The following ZMYND11 variants were observed in gnomAD, a reference collection of about 807,000 sequenced individuals.
ZMYND11 encodes zinc finger MYND-type containing 11, also known as zinc finger MYND domain-containing protein 11.
Under a neutral mutation model 84.9 loss-of-function variants are expected in ZMYND11, and 9 were observed. The ratio of observed to expected loss-of-function variants is 0.11; its 90% confidence interval spans 0.06 to 0.18. ZMYND11 has a LOEUF of 0.18. ZMYND11 is among the 10% of genes least tolerant of loss of function. The pLI is 1.00. For synonymous variants in ZMYND11, 250 were observed against 244.1 expected, an observed-to-expected ratio of 1.02 and a Z score of -0.23; for missense variants, 409 against 761.0, an observed-to-expected ratio of 0.54 and a Z score of 5.44.
intron 8 of ZMYND11, among the ~76,000 whole-genome samples, chr10:240,436 G>A (rs1950684718): frequency 1.3e-5 from 2 of 152,196 alleles, no homozygotes; most frequent in South Asian, 4.1e-4. Context: ...CGTGGAAGGT[G>A]GAGGTTGCAG....
chr10:242,244 G>GAA (rs34123561), intron 10 of ZMYND11, 105 bp downstream of exon 10: 344,612 of 1,314,642 alleles, frequency 0.26, 23,132 homozygotes, highest in East Asian at 0.43. Flanking sequence ...TTTTAAATTG[G>GAA]AAAAAAAAAA....
rs1304756636 is a variant in ZMYND11, at chr10:240,115, CTA to C, written c.753+6_753+7del. On this transcript the variant is annotated splice_donor_5th_base_variant and intron_variant, in intron 8 of 14. Coordinates refer to ENST00000381604, the MANE Select transcript of ZMYND11 (RefSeq NM_001370100.5). ...ATATAAAGACACATGTCATGAGGTA[CTA>C]TTCATTGCCCAATAGTTATACTCTT... is the stretch of plus-strand genomic sequence containing the variant. 6.2e-7 allele frequency: 1 copy of C among 1,603,776 alleles called. No homozygotes were observed. The highest frequency in any genetic ancestry group is 1.3e-5 in the African/African-American group (1 of 74,640).
intron 4 of ZMYND11, among the ~76,000 whole-genome samples, chr10:223,056 GTC>G (rs1352404030): frequency 6.8e-6 from 1 of 146,598 alleles, no homozygotes; most frequent in Non-Finnish European, 1.5e-5. Flanking sequence ...CTGAGACTGA[GTC>G]TCTCTCTGTC....
intron 6 of ZMYND11, 118 bp downstream of exon 6, chr10:237,795 T>A (rs1009651278): frequency 1.2e-5 from 8 of 648,268 alleles, no homozygotes; most frequent in Non-Finnish European, 2.0e-5. Context: ...GTGTACTTTT[T>A]TCCACTTCCT....
intron 1 of ZMYND11, among the ~76,000 whole-genome samples, chr10:154,419 C>CG (rs1841193335): frequency 6.6e-6 from 1 of 152,034 alleles, no homozygotes; most frequent in African/African-American, 2.4e-5. Flanking sequence ...CAGAAAAAAG[C>CG]AAAAAACCTG....
intron 1 of ZMYND11, among the ~76,000 whole-genome samples, chr10:147,050 T>C (rs1554755548): frequency 6.6e-6 from 1 of 152,240 alleles, no homozygotes; most frequent in African/African-American, 2.4e-5. Flanking sequence ...TACACTCAGC[T>C]TGGTCGTTGT....
chr10:236,384 G>A (rs567410386), intron 4 of ZMYND11, among the ~76,000 whole-genome samples: 4 of 152,332 alleles, frequency 2.6e-5, no homozygotes, highest in Non-Finnish European at 5.9e-5. Context: ...ATGCAGCTGC[G>A]CTGTGCAAAG....
At chr10:234,002 A>T (rs1374734116) in intron 4 of ZMYND11, among the ~76,000 whole-genome samples, 1 of 152,220 alleles carries the variant, frequency 6.6e-6, no homozygotes, top group African/African-American at 2.4e-5. Context: ...ATAGACCTTT[A>T]TTTAAACTGG....
chr10:161,957 G>T (rs1433043752), intron 1 of ZMYND11, among the ~76,000 whole-genome samples: 1 of 152,126 alleles, frequency 6.6e-6, no homozygotes, highest in Admixed American at 6.5e-5. Flanking sequence ...TTCGCAGCTG[G>T]GATAGCTGTT....
At chr10:201,785 C>T (rs1445552516) in intron 2 of ZMYND11, among the ~76,000 whole-genome samples, 3 of 151,198 alleles carry the variant, frequency 2.0e-5, no homozygotes, top group African/African-American at 7.3e-5. Context: ...CAGTGGGGTG[C>T]GAGAAAATGA....
chr10:247,542 G>A, intron 12 of ZMYND11, 76 bp downstream of exon 12: 1 of 1,465,944 alleles, frequency 6.8e-7, no homozygotes, highest in Non-Finnish European at 9.4e-7. Flanking sequence ...TATTTTCAAA[G>A]TATTTCAAAG....
rs67915368 is a variant in ZMYND11 at position 139,704 on chromosome 10, CTTT to C, written c.-20+4167_-20+4169del. Among the ~76,000 whole-genome samples the C allele has an allele frequency of 8.2e-4, 66 of 80,274 alleles. No homozygotes were observed. In the East Asian group the frequency reaches 0.024, roughly 29 times the overall value. The allele number at this position is 80,274 out of a possible 152,430, so 52.7% of individuals were successfully genotyped here. A position where few individuals can be genotyped will look rare whatever the true frequency, so the allele number is the denominator to read the frequency against. ...GTCCAACTTAAACTTACACATGGTC[CTTT>C]TTTTTTTTTTTTTTTTTTTTTGGAG... On this transcript the variant is annotated intron_variant, in intron 1 of 14. Coordinates refer to ENST00000381604, the MANE Select transcript of ZMYND11 (RefSeq NM_001370100.5).
chr10:151,876 A>G (rs923027476), intron 1 of ZMYND11, among the ~76,000 whole-genome samples: 12 of 152,176 alleles, frequency 7.9e-5, no homozygotes, highest in African/African-American at 2.4e-4. Flanking sequence ...CTTGGCAGAA[A>G]CTCTACAAGC....
rs559363574 is a variant in ZMYND11 at position 214,824 on chromosome 10, G to T, written c.276+4776G>T. Among the ~76,000 whole-genome samples, 3 of 152,296 alleles carry T rather than the reference G, an allele frequency of 2.0e-5. No homozygotes were observed. In the East Asian group the frequency reaches 5.8e-4, roughly 29 times the overall value. On this transcript the variant is annotated intron_variant, in intron 3 of 14. Transcript: ENST00000381604. ...CACCTTTATTCTTAAAATGTGAGAA[G>T]TGTATTTCTTGGACAGAATTTTACC...
chr10:148,610 T>C (rs568760146), intron 1 of ZMYND11: 2 of 152,348 alleles, frequency 1.3e-5, no homozygotes, highest in South Asian at 2.1e-4. Flanking sequence ...TTTCCACAGG[T>C]TTATTTTCTC....
intron 5 of ZMYND11, 87 bp from the exon 6 acceptor site, chr10:237,498 G>A (rs1418927623): frequency 2.5e-6 from 2 of 786,838 alleles, no homozygotes; most frequent in Admixed American, 6.3e-5. Context: ...AAAATAAAAA[G>A]GTAGAAAATA....
chr10:152,287 C>T (rs976329310), intron 1 of ZMYND11, among the ~76,000 whole-genome samples: 22 of 152,114 alleles, frequency 1.4e-4, no homozygotes, highest in Non-Finnish European at 2.5e-4. Context: ...GATAAAGAGT[C>T]GAGACCCATC....
chr10:162,947 C>T (rs976721458), intron 1 of ZMYND11, among the ~76,000 whole-genome samples: 1 of 152,238 alleles, frequency 6.6e-6, no homozygotes, highest in South Asian at 2.1e-4. Flanking sequence ...TGGGAATTCC[C>T]GTTCCCTGCC....
chr10:251,762 G>T (rs553491318), intron 14 of ZMYND11, among the ~76,000 whole-genome samples: 43 of 152,264 alleles, frequency 2.8e-4, no homozygotes, highest in African/African-American at 9.1e-4. Context: ...GGTGTACATG[G>T]TGGGATGTTT....
Sources: allele counts gnomAD v4.1 joint callset (sites outside exome capture counted in the v4.1 genomes callset), GRCh38; gene constraint gnomAD v4.1.1; transcripts MANE v1.5; gene names NCBI Gene and HGNC (gene_info 2026-07-23, HGNC 2026-07-21).